The following TENM2 variants were observed in gnomAD, a reference collection of about 807,000 sequenced individuals.
The protein encoded by TENM2 is teneurin-2.
A neutral mutation model predicts 245.2 loss-of-function variants in TENM2; 52 were observed. That is an observed-to-expected ratio of 0.21 (90% CI 0.17 to 0.27). The LOEUF (loss-of-function observed/expected upper bound fraction) is 0.27. Among genes scored for constraint, TENM2 ranks in the 10% least tolerant of loss-of-function variants. The pLI is 1.00. For synonymous variants in TENM2, 1,363 were observed against 1,438.9 expected (o/e 0.95, Z 1.19); for missense variants, 3,046 against 3,666.8 (o/e 0.83, Z 4.37).
At chr5:167,329,688 T>C (rs1029401992) in intron 1 of TENM2, among the ~76,000 whole-genome samples, 9 of 151,692 alleles carry the variant, frequency 5.9e-5, no homozygotes, top group African/African-American at 2.2e-4. Flanking sequence ...TTGAGGAAAT[T>C]ATTGAATTGA....
chr5:168,164,410 T>C (rs188203204), intron 13 of TENM2, among the ~76,000 whole-genome samples: 40 of 152,242 alleles, frequency 2.6e-4, no homozygotes, highest in African/African-American at 9.4e-4. Flanking sequence ...TGACACTTTG[T>C]ACCCCTTAAC....
At chr5:167,527,567 C>T (rs1371667332) in intron 2 of TENM2, among the ~76,000 whole-genome samples, 1 of 152,146 alleles carries the variant, frequency 6.6e-6, no homozygotes, top group Non-Finnish European at 1.5e-5. Context: ...GGAGAAGATG[C>T]TCCTTGTTTT....
At chr5:167,739,682 G>A (rs750946053) in intron 2 of TENM2, among the ~76,000 whole-genome samples, 52 of 152,170 alleles carry the variant, frequency 3.4e-4, no homozygotes, top group Non-Finnish European at 6.3e-4. Context: ...CCACAAAACA[G>A]GAAGTCAAAC....
chr5:167,118,265 C>G, the TENM2 span, among the ~76,000 whole-genome samples: 1 of 152,162 alleles, frequency 6.6e-6, no homozygotes, highest in Non-Finnish European at 1.5e-5. Context: ...ATGCCTAAAA[C>G]TGACAGAGGA....
At chr5:168,224,283 G>A (rs1284888457) in intron 23 of TENM2, among the ~76,000 whole-genome samples, 1 of 152,106 alleles carries the variant, frequency 6.6e-6, no homozygotes, top group Admixed American at 6.6e-5. Flanking sequence ...CCATGCCTGG[G>A]GCCCTGGGCG....
intron 2 of TENM2, among the ~76,000 whole-genome samples, chr5:167,765,300 C>T (rs1187180812): frequency 6.6e-6 from 1 of 152,128 alleles, no homozygotes; most frequent in Non-Finnish European, 1.5e-5. Flanking sequence ...GTGTTTCTTT[C>T]CGTTTACAAA....
intron 2 of TENM2, among the ~76,000 whole-genome samples, chr5:167,648,286 GCTTTTT>G (rs1291621902): frequency 2.0e-5 from 3 of 152,132 alleles, no homozygotes; most frequent in Non-Finnish European, 4.4e-5. Flanking sequence ...AGTGTGTAAT[GCTTTTT>G]CTTTTTATAT....
intron 2 of TENM2, among the ~76,000 whole-genome samples, chr5:167,685,660 A>G (rs1263950005): frequency 1.3e-5 from 2 of 152,204 alleles, no homozygotes; most frequent in Non-Finnish European, 2.9e-5. Flanking sequence ...ATAAGAGTTT[A>G]CCCTGAACAT....
rs533005670 is a variant in TENM2 at position 167,333,154 on chromosome 5, G to A, written c.227-42044G>A. 4.6e-5 allele frequency among the ~76,000 whole-genome samples: 7 copies of A among 152,286 alleles called. No individual in the cohort carries two copies. The East Asian group carries it at 1.3e-3, about 29-fold the overall frequency. On this transcript the variant is annotated intron_variant, in intron 1 of 28. Coordinates refer to ENST00000518659, the Ensembl canonical transcript of TENM2. ...AGTAAAATGGATAAAGAGAGGAAAA[G>A]TAATCAGAGAAAGTCTTTCCATAAC... is the stretch of plus-strand genomic sequence containing the variant.
intron 2 of TENM2, among the ~76,000 whole-genome samples, chr5:167,500,486 TA>T (rs1027630368): frequency 6.6e-6 from 1 of 152,018 alleles, no homozygotes; most frequent in African/African-American, 2.4e-5. Context: ...TCAAAATTTT[TA>T]AAAAAATAAA....
chr5:167,411,056 A>C (rs1165674002), intron 2 of TENM2, among the ~76,000 whole-genome samples: 6 of 152,082 alleles, frequency 3.9e-5, no homozygotes, highest in Non-Finnish European at 8.8e-5. Flanking sequence ...GTCAACTTAG[A>C]AACACATTGT....
At chr5:168,002,858 G>A (rs182068794) in intron 5 of TENM2, among the ~76,000 whole-genome samples, 31 of 152,286 alleles carry the variant, frequency 2.0e-4, no homozygotes, top group African/African-American at 7.0e-4. Context: ...TTGGCTGGTC[G>A]CACTGTGTGC....
chr5:167,204,160 G>GA, the TENM2 span, among the ~76,000 whole-genome samples: 47,880 of 145,378 alleles, frequency 0.33, 9,565 homozygotes, highest in Non-Finnish European at 0.47. Context: ...GCCTTAGAAG[G>GA]AAAAAAAAAA....
At chr5:168,112,289 TG>T (rs1435690702) in intron 9 of TENM2, among the ~76,000 whole-genome samples, 4 of 152,018 alleles carry the variant, frequency 2.6e-5, no homozygotes, top group African/African-American at 9.7e-5. Context: ...ACTTGTGTCA[TG>T]GGGGGTTGTT....
chr5:167,320,369 G>A (rs1289621719), intron 1 of TENM2, among the ~76,000 whole-genome samples: 2 of 152,140 alleles, frequency 1.3e-5, no homozygotes, highest in East Asian at 3.9e-4. Flanking sequence ...AAGAAGAAAT[G>A]GGCTTATTCA....
At chr5:167,285,726 G>A (rs1581664176) in intron 1 of TENM2, among the ~76,000 whole-genome samples, 2 of 152,214 alleles carry the variant, frequency 1.3e-5, no homozygotes, top group East Asian at 3.8e-4. Context: ...GTGTGACAAA[G>A]CTCACTCTCT....
the TENM2 span, among the ~76,000 whole-genome samples, chr5:167,161,494 G>A: frequency 6.6e-6 from 1 of 152,198 alleles, no homozygotes; most frequent in Admixed American, 6.5e-5. Context: ...AAGTTAAACA[G>A]ACTGTAATGT....
chr5:167,389,040 C>T (rs1403169627), intron 2 of TENM2, among the ~76,000 whole-genome samples: 1 of 151,872 alleles, frequency 6.6e-6, no homozygotes, highest in Non-Finnish European at 1.5e-5. Flanking sequence ...TTTGGACTCT[C>T]AAAATAAAAC....
the TENM2 span, among the ~76,000 whole-genome samples, chr5:167,100,658 G>C: frequency 6.6e-6 from 1 of 151,962 alleles, no homozygotes; most frequent in Non-Finnish European, 1.5e-5. Context: ...AAAAATACCT[G>C]GTGCCCGGGA....
Sources: allele counts gnomAD v4.1 joint callset (sites outside exome capture counted in the v4.1 genomes callset), GRCh38; gene constraint gnomAD v4.1.1; transcripts MANE v1.5; gene names NCBI Gene and HGNC (gene_info 2026-07-23, HGNC 2026-07-21).